The following COL5A2 variants were observed in gnomAD, a reference collection of about 807,000 sequenced individuals.
The protein encoded by COL5A2 is collagen type V alpha 2 chain, also known as collagen alpha-2(V) chain.
Under a neutral mutation model 208.2 loss-of-function variants are expected in COL5A2, and 23 were observed. The observed-to-expected ratio is 0.11, with a 90% CI of 0.08 to 0.16. The LOEUF is 0.16. Among genes scored for constraint, COL5A2 ranks in the 10% least tolerant of loss-of-function variants. The pLI, the probability that COL5A2 is intolerant of heterozygous loss-of-function variation, is 1.00. For synonymous variants in COL5A2, 625 were observed against 628.5 expected (o/e 0.99, Z 0.08); for missense variants, 1,590 against 1,956.4 (o/e 0.81, Z 3.53).
At chr2:189,433,660 T>C in the COL5A2 span, among the ~76,000 whole-genome samples, 1 of 152,182 alleles carries the variant, frequency 6.6e-6, no homozygotes, top group East Asian at 1.9e-4. Flanking sequence ...AATAGACCAA[T>C]AACAGGCTCT....
intron 1 of COL5A2, among the ~76,000 whole-genome samples, chr2:189,155,924 T>G (rs2105794265): frequency 6.6e-6 from 1 of 152,270 alleles, no homozygotes; most frequent in Non-Finnish European, 1.5e-5. Context: ...TACATTCCTT[T>G]ACTCATGGCT....
intron 16 of COL5A2, among the ~76,000 whole-genome samples, 183 bp downstream of exon 16, chr2:189,078,333 A>G (rs1686455900): frequency 6.6e-6 from 1 of 152,110 alleles, no homozygotes; most frequent in African/African-American, 2.4e-5. Context: ...AAGGTTGTTC[A>G]AGAATTCTCT....
At chr2:189,216,809 C>T (rs576723498) in intron 1 of COL5A2, among the ~76,000 whole-genome samples, 1 of 152,058 alleles carries the variant, frequency 6.6e-6, no homozygotes, top group African/African-American at 2.4e-5. Context: ...TCAACATTGT[C>T]TTTGGACACA....
chr2:189,399,092 T>C, the COL5A2 span, among the ~76,000 whole-genome samples: 1 of 152,208 alleles, frequency 6.6e-6, no homozygotes, highest in Non-Finnish European at 1.5e-5. Context: ...TACATCCATA[T>C]GTTTACTCTT....
chr2:189,201,160 G>C (rs1296540046), intron 1 of COL5A2, among the ~76,000 whole-genome samples: 1 of 151,968 alleles, frequency 6.6e-6, no homozygotes, highest in African/African-American at 2.4e-5. Flanking sequence ...TTAATTATAT[G>C]ATAAAGGTAG....
At chr2:189,200,349 C>T (rs910250514) in intron 1 of COL5A2, among the ~76,000 whole-genome samples, 1 of 152,002 alleles carries the variant, frequency 6.6e-6, no homozygotes, top group Non-Finnish European at 1.5e-5. Context: ...AATTAGAGGG[C>T]TTTTAACTTC....
chr2:189,169,486 C>G (rs572178884), intron 1 of COL5A2, among the ~76,000 whole-genome samples: 1 of 152,110 alleles, frequency 6.6e-6, no homozygotes, highest in East Asian at 1.9e-4. Context: ...TTTATTTGAA[C>G]AGTAAAAATT....
intron 49 of COL5A2, 130 bp downstream of exon 49, chr2:189,042,590 G>T: frequency 1.2e-6 from 1 of 801,804 alleles, no homozygotes; most frequent in Non-Finnish European, 2.1e-6. Context: ...TCTCATATGT[G>T]TGTTGCCAAC....
chr2:189,376,235 C>A, the COL5A2 span, among the ~76,000 whole-genome samples: 6 of 152,264 alleles, frequency 3.9e-5, no homozygotes, highest in South Asian at 2.1e-4. Flanking sequence ...AGTTCTGCCT[C>A]TCTTTATCTA....
At chr2:189,381,355 TA>T in the COL5A2 span, among the ~76,000 whole-genome samples, 1 of 152,232 alleles carries the variant, frequency 6.6e-6, no homozygotes, top group East Asian at 1.9e-4. Context: ...TTAAATTTAT[TA>T]CTTTTAATGT....
chr2:189,306,110 T>C, the COL5A2 span, among the ~76,000 whole-genome samples: 2 of 152,302 alleles, frequency 1.3e-5, no homozygotes, highest in Non-Finnish European at 2.9e-5. Context: ...AGACATTAAA[T>C]CAAAGAACTT....
At chr2:189,403,608 T>C in the COL5A2 span, among the ~76,000 whole-genome samples, 1 of 152,210 alleles carries the variant, frequency 6.6e-6, no homozygotes, top group African/African-American at 2.4e-5. Context: ...ATCTAGTTTA[T>C]AGAGAATTTT....
At chr2:189,036,017 T>C (rs1045784852) in intron 52 of COL5A2, among the ~76,000 whole-genome samples, 8 of 152,242 alleles carry the variant, frequency 5.3e-5, no homozygotes, top group African/African-American at 1.4e-4. Context: ...TTAAATAATA[T>C]TAAAAATTTT....
At chr2:189,064,519 C>T (rs1472208256) in intron 25 of COL5A2, 38 bp downstream of exon 25, 3 of 1,432,440 alleles carry the variant, frequency 2.1e-6, no homozygotes, top group Non-Finnish European at 3.0e-6. Flanking sequence ...AGGAGCACTT[C>T]TCCCCTTTGA....
chr2:189,439,904 T>C, the COL5A2 span, among the ~76,000 whole-genome samples: 1 of 152,218 alleles, frequency 6.6e-6, no homozygotes, highest in Non-Finnish European at 1.5e-5. Flanking sequence ...GGTTACAAAG[T>C]ACCCAACAAA....
At chr2:189,147,489 C>T (rs1346954839) in intron 1 of COL5A2, among the ~76,000 whole-genome samples, 1 of 152,086 alleles carries the variant, frequency 6.6e-6, no homozygotes, top group African/African-American at 2.4e-5. Flanking sequence ...CAATACAACT[C>T]ACAGAGGAAT....
Position 189,066,747 on chromosome 2 carries a change from A to G in COL5A2, c.1437T>C (p.Ala479=). 6.2e-7 allele frequency: 1 copy of G among 1,613,758 alleles called. No homozygotes were observed. The highest frequency in any genetic ancestry group is 8.5e-7 in the Non-Finnish European group (1 of 1,179,696). ...ACCTTACTGGTTCCCCTTTTGGGCCAGCTTCTCCTTTGAAACCTGGAACTC... is the reference window on the plus strand; with the variant it reads ...ACCTTACTGGTTCCCCTTTTGGGCCGGCTTCTCCTTTGAAACCTGGAACTC... The part of the protein sequence containing the change: ...DPGVPGFKGE[A]GPKGEPGPHG... Residue 479 remains alanine, a synonymous_variant, in exon 22 of 54, where the codon GCT becomes GCC. Coordinates refer to ENST00000374866, the MANE Select transcript of COL5A2 (RefSeq NM_000393.5).
At chr2:189,363,109 AT>A in the COL5A2 span, among the ~76,000 whole-genome samples, 1 of 152,074 alleles carries the variant, frequency 6.6e-6, no homozygotes, top group African/African-American at 2.4e-5. Flanking sequence ...TAAAATGACA[AT>A]TTTTTTCCTC....
In COL5A2 at chr2:189,048,245, A is replaced by G. The variant is rs748098007; in HGVS notation, c.3165T>C (p.Asp1055=). The change falls in exon 45 of 54, where the codon GAT becomes GAC. Residue 1055 remains aspartate, a synonymous_variant. Coordinates refer to ENST00000374866, the MANE Select transcript of COL5A2 (RefSeq NM_000393.5). ...EPGPEGPAGN[D]GTPGRDGAVG... is the part of the protein sequence containing the mutation. The stretch of plus-strand genomic sequence containing the variant: ...CAGCACCATCCCGTCCTGGGGTACC[A>G]TCATTGCCAGCTGGACCCTATAAAG... 1.9e-6 allele frequency: 3 copies of G among 1,614,066 alleles called. No individual in the cohort carries two copies. In the South Asian group the frequency reaches 3.3e-5, roughly 18 times the overall value.
Sources: allele counts gnomAD v4.1 joint callset (sites outside exome capture counted in the v4.1 genomes callset), GRCh38; gene constraint gnomAD v4.1.1; transcripts MANE v1.5; gene names NCBI Gene and HGNC (gene_info 2026-07-23, HGNC 2026-07-21).